The following CASQ2 variants were observed in gnomAD, a reference collection of about 807,000 sequenced individuals.
The protein encoded by CASQ2 is calsequestrin 2, also known as calsequestrin-2.
Under a neutral mutation model 46.5 loss-of-function variants are expected in CASQ2, and 49 were observed. That is an observed-to-expected ratio of 1.05 (90% CI 0.84 to 1.34). The LOEUF is 1.34. Among genes scored for constraint, CASQ2 ranks in the 40% most tolerant of loss-of-function variants. The probability of loss-of-function intolerance (pLI) is 0.00; values close to 1 mark genes in which losing one functional copy is unlikely to be tolerated. For synonymous variants in CASQ2, 174 were observed against 168.5 expected (o/e 1.03, Z -0.25); for missense variants, 486 against 481.3 (o/e 1.01, Z -0.09).
chr1:115,730,758 C>A (rs1647756849), intron 5 of CASQ2, among the ~76,000 whole-genome samples: 1 of 152,090 alleles, frequency 6.6e-6, no homozygotes, highest in African/African-American at 2.4e-5. Context: ...TTTACTAGTG[C>A]CAGTTGTTTT....
chr1:115,716,969 G>C (rs996218814), intron 8 of CASQ2, among the ~76,000 whole-genome samples: 1 of 152,184 alleles, frequency 6.6e-6, no homozygotes, highest in Non-Finnish European at 1.5e-5. Flanking sequence ...TGATTGGATC[G>C]TGGGGGTGGT....
intron 8 of CASQ2, among the ~76,000 whole-genome samples, chr1:115,711,127 G>A (rs140301638): frequency 1.3e-3 from 199 of 152,302 alleles, no homozygotes; most frequent in African/African-American, 4.5e-3. Context: ...CACTCCTGGG[G>A]GAGCTGGCTG....
intron 4 of CASQ2, among the ~76,000 whole-genome samples, chr1:115,733,530 G>A (rs1195019558): frequency 6.6e-6 from 1 of 151,854 alleles, no homozygotes; most frequent in Admixed American, 6.6e-5. Flanking sequence ...TTATTCTGAT[G>A]CCTCAAGAGG....
chr1:115,759,046 G>A (rs961035260), intron 1 of CASQ2, among the ~76,000 whole-genome samples: 17 of 152,198 alleles, frequency 1.1e-4, no homozygotes, highest in African/African-American at 3.9e-4. Context: ...GATTTACATA[G>A]GTTGTCAGGG....
intron 8 of CASQ2, among the ~76,000 whole-genome samples, chr1:115,706,356 G>C (rs570695930): frequency 2.8e-4 from 43 of 152,264 alleles, no homozygotes; most frequent in African/African-American, 1.0e-3. Flanking sequence ...GAATCCCTTA[G>C]AGAACCCCCT....
In CASQ2 at chr1:115,706,637, T is replaced by C. The variant is rs148353026; in HGVS notation, c.839-1345A>G. On this transcript the variant is annotated intron_variant, in intron 8 of 10. Coordinates refer to ENST00000261448, the MANE Select transcript of CASQ2 (RefSeq NM_001232.4). The stretch of plus-strand genomic sequence containing the variant: ...AAATAATAAAGTTACATTTCTTGCA[T>C]AGCTGAATTTGTGGCTTGAAATTTA... Among the ~76,000 whole-genome samples the C allele has an allele frequency of 3.1e-3, 467 of 152,364 alleles. 1 individual carries two copies. The highest frequency in any genetic ancestry group is 0.011 in the African/African-American group (453 of 41,590).
At chr1:115,750,318 G>A (rs536438511) in intron 1 of CASQ2, among the ~76,000 whole-genome samples, 1 of 152,310 alleles carries the variant, frequency 6.6e-6, no homozygotes, top group Non-Finnish European at 1.5e-5. Context: ...GGTTTTGTTT[G>A]TTTGGTCAGT....
intron 2 of CASQ2, among the ~76,000 whole-genome samples, chr1:115,743,193 TTTTGTTTATTTATTTA>T (rs771024761): frequency 3.6e-4 from 53 of 147,408 alleles, no homozygotes; most frequent in South Asian, 1.1e-3. Context: ...CATTCTTTAT[TTTTGTTTATTTATTTA>T]TTTATTTATT....
rs1647621502 is a variant in CASQ2, at chr1:115,727,093, A to G, written c.636T>C (p.Asn212=). 2 of 1,613,004 alleles carry G rather than the reference A, an allele frequency of 1.2e-6. No individual in the cohort carries two copies. Among genetic ancestry groups the G allele is most frequent in the Non-Finnish European group, 1.7e-6 (2 of 1,179,146 alleles). Residue 212 remains asparagine (N), a synonymous_variant, in exon 6 of 11, where the codon AAT becomes AAC. Transcript: ENST00000261448. ...GVAKKLSLKM[N]EVDFYEPFMD... ...TAAATGGCTCATAGAAGTCAACCTC[A>G]TTCATCTTCAAAGATAATTTCTTTG...
intron 8 of CASQ2, among the ~76,000 whole-genome samples, chr1:115,714,575 G>C (rs1258526542): frequency 6.6e-6 from 1 of 152,122 alleles, no homozygotes; most frequent in Non-Finnish European, 1.5e-5. Context: ...GGGGTGAAAG[G>C]CCATGTCTAA....
rs188777185 is a variant in CASQ2 at position 115,723,471 on chromosome 1, A to T, written c.783+2037T>A. ...TTATTTTAGGGTAAAAAGCAAAAACAATTTAAAAAATACTATTTTAAAGCA... is the reference window on the plus strand; with the variant it reads ...TTATTTTAGGGTAAAAAGCAAAAACTATTTAAAAAATACTATTTTAAAGCA... On this transcript the variant is annotated intron_variant, in intron 7 of 10. Transcript: ENST00000261448. Among the ~76,000 whole-genome samples, 11 of 152,342 alleles carry T rather than the reference A, an allele frequency of 7.2e-5. 1 individual carries two copies. In the East Asian group the frequency reaches 2.1e-3, roughly 29 times the overall value.
chr1:115,736,174 A>AAC (rs1553194907), intron 4 of CASQ2, among the ~76,000 whole-genome samples: 74 of 151,996 alleles, frequency 4.9e-4, no homozygotes, highest in African/African-American at 1.7e-3. Context: ...GAAAAAAAAA[A>AAC]AAAAAAATAG....
intron 5 of CASQ2, among the ~76,000 whole-genome samples, chr1:115,732,428 C>T (rs1647820631): frequency 6.6e-6 from 1 of 152,206 alleles, no homozygotes; most frequent in Non-Finnish European, 1.5e-5. Flanking sequence ...CTCATCCCAC[C>T]ACGTCCCTTC....
chr1:115,746,768 G>A (rs1648403978), intron 1 of CASQ2, among the ~76,000 whole-genome samples: 1 of 151,864 alleles, frequency 6.6e-6, no homozygotes, highest in Non-Finnish European at 1.5e-5. Context: ...TACTCTGTAT[G>A]TGTGTTATTT....
intron 8 of CASQ2, among the ~76,000 whole-genome samples, chr1:115,713,661 T>C (rs1329749894): frequency 6.6e-6 from 1 of 152,168 alleles, no homozygotes; most frequent in East Asian, 1.9e-4. Flanking sequence ...GAAGCCTGAC[T>C]TTTCTTCCCT....
chr1:115,741,207 C>A (rs1648164361), intron 2 of CASQ2, among the ~76,000 whole-genome samples: 1 of 152,236 alleles, frequency 6.6e-6, no homozygotes, highest in Admixed American at 6.5e-5. Flanking sequence ...GTTTCCAAAT[C>A]TATCCCTTTC....
intron 2 of CASQ2, among the ~76,000 whole-genome samples, chr1:115,743,816 G>A (rs1390481231): frequency 2.6e-5 from 4 of 151,720 alleles, no homozygotes; most frequent in Admixed American, 2.6e-4. Flanking sequence ...AGCCAAATGG[G>A]CAGTACATGT....
rs537896235 is a variant in CASQ2 at position 115,715,483 on chromosome 1, T to C, written c.838+2357A>G. On this transcript the variant is annotated intron_variant, in intron 8 of 10. Coordinates refer to ENST00000261448, the MANE Select transcript of CASQ2 (RefSeq NM_001232.4). ...AAAGGCTACATATTAAATGATTCCATTTATATGAAATGTCCAGAATAGGCA... is the reference window on the plus strand; with the variant it reads ...AAAGGCTACATATTAAATGATTCCACTTATATGAAATGTCCAGAATAGGCA... Among the ~76,000 whole-genome samples, 5 of 152,314 alleles carry C rather than the reference T, an allele frequency of 3.3e-5. No individual in the cohort carries two copies. In the East Asian group the frequency reaches 9.7e-4, roughly 29 times the overall value.
At chr1:115,768,174 A>T (rs993662836) in intron 1 of CASQ2, 134 bp downstream of exon 1, 2 of 705,732 alleles carry the variant, frequency 2.8e-6, no homozygotes, top group African/African-American at 3.5e-5. Context: ...CATCTGATTC[A>T]CGTGAGGCCA....
Sources: allele counts gnomAD v4.1 joint callset (sites outside exome capture counted in the v4.1 genomes callset), GRCh38; gene constraint gnomAD v4.1.1; transcripts MANE v1.5; gene names NCBI Gene and HGNC (gene_info 2026-07-23, HGNC 2026-07-21).